PXDNL: variants seen among roughly 807,000 people sequenced by gnomAD.
The protein encoded by PXDNL is peroxidasin like, also known as probable oxidoreductase PXDNL.
A neutral mutation model predicts 150.8 loss-of-function variants in PXDNL; 145 were observed. The observed-to-expected ratio is 0.96, with a 90% confidence interval of 0.84 to 1.10. The LOEUF (loss-of-function observed/expected upper bound fraction) is 1.10. Among genes scored for constraint, PXDNL ranks in the 50% least tolerant of loss-of-function variants. The pLI is 0.00. For missense variants in PXDNL, 2,087 were observed against 1,873.9 expected (o/e 1.11, Z -2.10); for synonymous variants, 757 against 725.7 (o/e 1.04, Z -0.69).
In PXDNL at chr8:51,374,714, C is replaced by A; in HGVS notation, c.3575G>T (p.Gly1192Val). 6.2e-7 allele frequency: 1 copy of A among 1,613,806 alleles called. No individual in the cohort carries two copies. The highest frequency in any genetic ancestry group is 8.5e-7 in the Non-Finnish European group (1 of 1,179,838). Residue 1192 changes from glycine to valine, a missense_variant, in exon 18 of 23, where the codon GGT becomes GTT. Gly to Val is a moderately radical substitution (Grantham distance 109). Coordinates refer to ENST00000356297, the MANE Select transcript of PXDNL (RefSeq NM_144651.5). The stretch of plus-strand genomic sequence containing the variant: ...AAGGGCGGGCCAGAGGTCAATGTCA[C>A]CTGGAGAGCCGTACAACCTGGAACA... ...QKLRKLYGSP[G>V]DIDLWPALMV...
chr8:51,735,543 T>TG lies in PXDNL; in HGVS notation c.164+73637_164+73638insC, dbSNP rs1563304305. ...TAAAAATTGTTTTTTTTTTTTTTTT[T>TG]TTTTTTTTTTTTTTTTTTTTTGAGA... On this transcript the variant is annotated intron_variant, in intron 1 of 22. Transcript: ENST00000356297. 2.0e-3 allele frequency among the ~76,000 whole-genome samples: 213 copies of TG among 108,462 alleles called. 4 individuals carry two copies. The highest frequency in any genetic ancestry group is 6.3e-3 in the African/African-American group (170 of 26,914). The allele number at this position is 108,462 out of a possible 152,430, so 71.2% of individuals were successfully genotyped here. A position where few individuals can be genotyped will look rare whatever the true frequency, so the allele number is the denominator to read the frequency against.
chr8:51,478,966 A>G (rs1416100106), intron 6 of PXDNL, among the ~76,000 whole-genome samples: 1 of 152,208 alleles, frequency 6.6e-6, no homozygotes, highest in Non-Finnish European at 1.5e-5. Flanking sequence ...TTGTCAAAAT[A>G]ACAAACCAAA....
intron 2 of PXDNL, among the ~76,000 whole-genome samples, chr8:51,648,509 C>G (rs941904082): frequency 6.6e-6 from 1 of 152,148 alleles, no homozygotes; most frequent in African/African-American, 2.4e-5. Context: ...AGTTTCTCTC[C>G]CAGAGCCTCT....
intron 8 of PXDNL, among the ~76,000 whole-genome samples, chr8:51,459,757 G>C (rs1410332484): frequency 6.6e-6 from 1 of 152,076 alleles, no homozygotes; most frequent in South Asian, 2.1e-4. Flanking sequence ...GGTTTGCAGA[G>C]GTAGAATATA....
intron 17 of PXDNL, among the ~76,000 whole-genome samples, chr8:51,388,919 A>G (rs1807808359): frequency 6.6e-6 from 1 of 151,982 alleles, no homozygotes; most frequent in Non-Finnish European, 1.5e-5. Context: ...AAATACCTGT[A>G]TTTTTACCTT....
At chr8:51,698,643 G>A (rs1446771935) in intron 1 of PXDNL, among the ~76,000 whole-genome samples, 4 of 152,136 alleles carry the variant, frequency 2.6e-5, no homozygotes, top group Non-Finnish European at 5.9e-5. Context: ...CTTCTCTCAT[G>A]GATCACGCCT....
chr8:51,732,716 A>T (rs1285369232), intron 1 of PXDNL, among the ~76,000 whole-genome samples: 1 of 152,232 alleles, frequency 6.6e-6, no homozygotes, highest in South Asian at 2.1e-4. Flanking sequence ...AAGGCAAAGG[A>T]GAAGCAAAGA....
At chr8:51,477,886 A>G (rs941076697) in intron 6 of PXDNL, among the ~76,000 whole-genome samples, 1 of 152,126 alleles carries the variant, frequency 6.6e-6, no homozygotes, top group Non-Finnish European at 1.5e-5. Context: ...CTTTCTAATT[A>G]TTATTTTCAA....
intron 5 of PXDNL, among the ~76,000 whole-genome samples, chr8:51,495,091 C>T (rs1811012615): frequency 1.3e-5 from 2 of 152,122 alleles, no homozygotes; most frequent in Admixed American, 1.3e-4. Context: ...TCTCAGACCA[C>T]AGTGCAATCA....
chr8:51,426,239 T>C (rs1371848904), intron 13 of PXDNL, among the ~76,000 whole-genome samples: 1 of 152,224 alleles, frequency 6.6e-6, no homozygotes, highest in Non-Finnish European at 1.5e-5. Context: ...CTTTTTCTTG[T>C]TTAACACCAA....
At chr8:51,485,359 A>T (rs1810705681) in intron 5 of PXDNL, among the ~76,000 whole-genome samples, 1 of 152,160 alleles carries the variant, frequency 6.6e-6, no homozygotes, top group South Asian at 2.1e-4. Context: ...GTGAAGATGG[A>T]TATTGACAAA....
chr8:51,643,016 C>T (rs144585053), intron 2 of PXDNL, among the ~76,000 whole-genome samples: 10,502 of 152,124 alleles, frequency 0.069, 589 homozygotes, highest in African/African-American at 0.16. Context: ...AGGAGAACTA[C>T]AAAACACTGC....
At chr8:51,394,612 G>A (rs1442922868) in intron 17 of PXDNL, among the ~76,000 whole-genome samples, 2 of 152,216 alleles carry the variant, frequency 1.3e-5, no homozygotes, top group African/African-American at 2.4e-5. Flanking sequence ...CTGCCAGGTA[G>A]TGGGACATAG....
intron 3 of PXDNL, among the ~76,000 whole-genome samples, chr8:51,577,940 AAAG>A (rs1433619145): frequency 1.0e-4 from 7 of 69,984 alleles, no homozygotes; most frequent in African/African-American, 3.1e-4. Flanking sequence ...AGAAAGAAAG[AAAG>A]AAAGAAAGAA....
At chr8:51,420,743 T>A (rs1337149157) in intron 14 of PXDNL, among the ~76,000 whole-genome samples, 3 of 152,218 alleles carry the variant, frequency 2.0e-5, no homozygotes, top group African/African-American at 7.2e-5. Context: ...CAGGCTGGAG[T>A]GCAGTGGTGT....
intron 3 of PXDNL, among the ~76,000 whole-genome samples, chr8:51,580,797 T>C (rs190851435): frequency 6.6e-6 from 1 of 152,028 alleles, no homozygotes; most frequent in Non-Finnish European, 1.5e-5. Flanking sequence ...GAAAAAGAAA[T>C]AACGTCTCAC....
intron 2 of PXDNL, among the ~76,000 whole-genome samples, chr8:51,642,800 C>G (rs947049434): frequency 5.3e-5 from 8 of 152,174 alleles, no homozygotes; most frequent in African/African-American, 1.9e-4. Flanking sequence ...ACCCCATTGT[C>G]TCAGCCCAAA....
At chr8:51,416,648 C>A (rs545934845) in intron 14 of PXDNL, among the ~76,000 whole-genome samples, 97 of 152,306 alleles carry the variant, frequency 6.4e-4, no homozygotes, top group African/African-American at 2.2e-3. Context: ...TCTGTATCCT[C>A]ACATGATTAT....
intron 1 of PXDNL, among the ~76,000 whole-genome samples, chr8:51,731,535 C>T (rs1441435652): frequency 7.2e-5 from 11 of 152,208 alleles, no homozygotes; most frequent in East Asian, 5.8e-4. Context: ...TTTTGGGGTC[C>T]GGAGGACGGT....
Sources: gnomAD v4.1 joint callset for allele counts (sites outside exome capture counted in the v4.1 genomes callset) on GRCh38, gnomAD v4.1.1 for gene constraint, MANE v1.5 for transcripts, NCBI Gene and HGNC (gene_info 2026-07-23, HGNC 2026-07-21) for gene names.